CWC27: variants seen among roughly 807,000 people sequenced by gnomAD.
CWC27 encodes spliceosome-associated protein CWC27 homolog.
Under a neutral mutation model 63.6 loss-of-function variants are expected in CWC27, and 47 were observed. The observed-to-expected ratio is 0.74, with a 90% CI of 0.58 to 0.94. The LOEUF is 0.94. Ranked by LOEUF, CWC27 falls within the 40% of genes least tolerant of loss-of-function variation. The pLI, the probability that CWC27 is intolerant of heterozygous loss-of-function variation, is 0.00. For missense variants in CWC27, 495 were observed against 554.3 expected, an observed-to-expected ratio of 0.89 and a Z score of 1.07; for synonymous variants, 175 against 179.8, an observed-to-expected ratio of 0.97 and a Z score of 0.22.
chr5:64,839,917 C>T (rs560686877), intron 10 of CWC27, among the ~76,000 whole-genome samples: 1 of 152,222 alleles, frequency 6.6e-6, no homozygotes, highest in South Asian at 2.1e-4. Context: ...CCAAAGAGGA[C>T]TCCTGACACA....
intron 13 of CWC27, among the ~76,000 whole-genome samples, chr5:64,986,026 G>T (rs774519791): frequency 2.4e-4 from 37 of 152,102 alleles, no homozygotes; most frequent in Non-Finnish European, 4.9e-4. Context: ...GATAATGAGT[G>T]AGTCTCAGGA....
chr5:64,861,069 C>T (rs1746401242), intron 10 of CWC27, among the ~76,000 whole-genome samples: 1 of 152,138 alleles, frequency 6.6e-6, no homozygotes, highest in South Asian at 2.1e-4. Flanking sequence ...GTGGATGTTT[C>T]AACCCGTAGG....
intron 11 of CWC27, among the ~76,000 whole-genome samples, chr5:64,906,459 A>C (rs1415684179): frequency 3.3e-5 from 5 of 152,172 alleles, no homozygotes; most frequent in Admixed American, 6.5e-5. Flanking sequence ...TTGGCTGCAC[A>C]AATGTCTTCT....
chr5:64,917,595 C>T (rs1179752357), intron 11 of CWC27, among the ~76,000 whole-genome samples: 3 of 151,468 alleles, frequency 2.0e-5, no homozygotes, highest in Non-Finnish European at 4.4e-5. Flanking sequence ...AGCAGATTAC[C>T]CTTCCTAATG....
chr5:64,854,444 C>A (rs887339899), intron 10 of CWC27, among the ~76,000 whole-genome samples: 16 of 152,200 alleles, frequency 1.1e-4, no homozygotes, highest in African/African-American at 3.9e-4. Flanking sequence ...ACATCCTTAC[C>A]ACCACTTGTT....
chr5:64,882,585 AGTT>A (rs529962877), intron 10 of CWC27, among the ~76,000 whole-genome samples: 1,787 of 151,806 alleles, frequency 0.012, 23 homozygotes, highest in South Asian at 0.022. Context: ...GTTTCCTTTT[AGTT>A]GTTGTTGTTG....
intron 10 of CWC27, among the ~76,000 whole-genome samples, chr5:64,831,006 A>T (rs1391291027): frequency 6.6e-6 from 1 of 152,000 alleles, no homozygotes; most frequent in Non-Finnish European, 1.5e-5. Flanking sequence ...CAAGGATTTG[A>T]ATATGTTGTC....
intron 2 of CWC27, among the ~76,000 whole-genome samples, chr5:64,776,578 T>C (rs1056088311): frequency 4.6e-5 from 7 of 152,154 alleles, no homozygotes; most frequent in Non-Finnish European, 8.8e-5. Flanking sequence ...ACCAATCCTC[T>C]TAATTGAATA....
At chr5:64,925,472 G>A (rs1261099188) in intron 11 of CWC27, among the ~76,000 whole-genome samples, 1 of 152,128 alleles carries the variant, frequency 6.6e-6, no homozygotes, top group Non-Finnish European at 1.5e-5. Flanking sequence ...AGTCCTAGAG[G>A]TCTCAACAAA....
intron 10 of CWC27, among the ~76,000 whole-genome samples, chr5:64,856,468 ATGTGTG>A (rs10640210): frequency 4.9e-4 from 74 of 149,696 alleles, no homozygotes; most frequent in African/African-American, 1.8e-3. Context: ...GTGTGTGTGT[ATGTGTG>A]TGTGTGTGTG....
At position 64,789,091 on chromosome 5, in the gene CWC27, T is replaced by C. The variant is rs1326979780; in HGVS notation, c.669+71T>C. On this transcript the variant is annotated intron_variant, in intron 7 of 13. Transcript: ENST00000381070. ...GGTCTATATCTTACTCACTATTGTATCTCCTGCTATATCTGGCACAGCATG... is the reference window on the plus strand; with the variant it reads ...GGTCTATATCTTACTCACTATTGTACCTCCTGCTATATCTGGCACAGCATG... The C allele has an allele frequency of 5.1e-6, 5 of 976,300 alleles. 1 individual carries two copies. In the Admixed American group the frequency reaches 1.2e-4, roughly 23 times the overall value. 60.5% of individuals were successfully genotyped at this position (976,300 alleles called of 1,614,324 possible). A position where few individuals can be genotyped will look rare whatever the true frequency, so the allele number is the denominator to read the frequency against.
intron 10 of CWC27, among the ~76,000 whole-genome samples, chr5:64,881,944 A>G (rs1328551268): frequency 6.6e-6 from 1 of 152,206 alleles, no homozygotes; most frequent in Admixed American, 6.5e-5. Context: ...TATACAAAGT[A>G]GCATAATAAA....
chr5:64,826,115 C>CTATCTATG (rs56856135), intron 10 of CWC27, among the ~76,000 whole-genome samples: 1 of 151,056 alleles, frequency 6.6e-6, no homozygotes, highest in Non-Finnish European at 1.5e-5. Context: ...ATCTATCTAT[C>CTATCTATG]CATCCATCAA....
At chr5:64,838,897 T>C (rs538506880) in intron 10 of CWC27, among the ~76,000 whole-genome samples, 1 of 152,292 alleles carries the variant, frequency 6.6e-6, no homozygotes, top group African/African-American at 2.4e-5. Flanking sequence ...ATCTGTCATA[T>C]CTGCTTAGGG....
chr5:64,807,812 A>T, intron 10 of CWC27: 2 of 1,534,332 alleles, frequency 1.3e-6, no homozygotes, highest in Non-Finnish European at 1.7e-6. Context: ...AATGAGAGTA[A>T]ATTTCTTCAA....
chr5:64,797,033 G>A (rs1744302288), intron 7 of CWC27, among the ~76,000 whole-genome samples: 1 of 133,746 alleles, frequency 7.5e-6, no homozygotes, highest in Admixed American at 9.1e-5. Flanking sequence ...CTTTGTTCTT[G>A]GATATGAAGT....
Position 64,856,485 on chromosome 5 carries a change from T to C in CWC27, c.939-28958T>C, listed in dbSNP as rs192653378. On this transcript the variant is annotated intron_variant, in intron 10 of 13. Coordinates refer to ENST00000381070, the MANE Select transcript of CWC27 (RefSeq NM_005869.4). Reference sequence around the variant, plus strand: ...GTGTGTGTATGTGTGTGTGTGTGTGTGTATGTGTGTAGTTCCCAAATTTTA... The same window carrying C: ...GTGTGTGTATGTGTGTGTGTGTGTGCGTATGTGTGTAGTTCCCAAATTTTA... Among the ~76,000 whole-genome samples, 96 of 151,992 alleles carry C rather than the reference T, an allele frequency of 6.3e-4. No homozygotes were observed. The East Asian group carries it at 0.015, about 24-fold the overall frequency.
intron 10 of CWC27, among the ~76,000 whole-genome samples, chr5:64,838,915 G>A (rs1170980460): frequency 6.6e-6 from 1 of 152,054 alleles, no homozygotes; most frequent in Non-Finnish European, 1.5e-5. Flanking sequence ...GGGGATTTAT[G>A]AAAAATAATC....
chr5:64,785,819 A>G (rs1002761326), intron 5 of CWC27, among the ~76,000 whole-genome samples: 5 of 152,084 alleles, frequency 3.3e-5, no homozygotes, highest in Admixed American at 2.0e-4. Context: ...TCATAATGGA[A>G]AGTTAAAGGA....
Sources: gnomAD v4.1 joint callset for allele counts (sites outside exome capture counted in the v4.1 genomes callset) on GRCh38, gnomAD v4.1.1 for gene constraint, MANE v1.5 for transcripts, NCBI Gene and HGNC (gene_info 2026-07-23, HGNC 2026-07-21) for gene names.